The following AFF3 variants were observed in gnomAD, a reference collection of about 807,000 sequenced individuals.
AFF3 encodes AF4/FMR2 family member 3.
In AFF3, 32 loss-of-function variants were observed where a neutral mutation model predicts 129.7. That is an observed-to-expected ratio of 0.25 (90% CI 0.19 to 0.33). AFF3 has a LOEUF of 0.33. AFF3 is among the 10% of genes least tolerant of loss of function. The pLI is 1.00. For synonymous variants in AFF3, 644 were observed against 635.4 expected (o/e 1.01, Z -0.20); for missense variants, 1,373 against 1,592.0 (o/e 0.86, Z 2.34).
intron 8 of AFF3, among the ~76,000 whole-genome samples, chr2:99,761,619 A>C (rs1682603395): frequency 6.6e-6 from 1 of 152,232 alleles, no homozygotes; most frequent in Non-Finnish European, 1.5e-5. Context: ...TTTAGCCTCA[A>C]GTTAAATCTT....
chr2:100,116,055 T>C (rs2105542958), intron 2 of AFF3, among the ~76,000 whole-genome samples: 1 of 152,318 alleles, frequency 6.6e-6, no homozygotes, highest in East Asian at 1.9e-4. Context: ...AGTTACACCA[T>C]CCTGTTGAAC....
At chr2:99,682,034 G>A (rs1250047971) in intron 11 of AFF3, among the ~76,000 whole-genome samples, 2 of 151,672 alleles carry the variant, frequency 1.3e-5, no homozygotes, top group Non-Finnish European at 2.9e-5. Flanking sequence ...AGCCTCCTGA[G>A]TAGTTGGGAC....
In AFF3 at chr2:99,894,547, C is replaced by T. The variant is rs372372898; in HGVS notation, c.874-57023G>A. On this transcript the variant is annotated intron_variant, in intron 7 of 24. Transcript: ENST00000672756. The stretch of plus-strand genomic sequence containing the variant: ...GCAGTGGCGCGATCTCAGCTCACTG[C>T]AAGCTCTGCCTCCTGGGTTCACGCC... Among the ~76,000 whole-genome samples, 140 of 151,610 alleles carry T rather than the reference C, an allele frequency of 9.2e-4. 1 individual carries two copies. Among genetic ancestry groups the T allele is most frequent in the African/African-American group, 3.2e-3 (134 of 41,374 alleles).
chr2:99,625,726 C>T (rs1392941390), intron 13 of AFF3, among the ~76,000 whole-genome samples: 2 of 152,118 alleles, frequency 1.3e-5, no homozygotes, highest in African/African-American at 4.8e-5. Flanking sequence ...CAATGTAATA[C>T]AACAGTTGTA....
At chr2:99,686,957 C>A (rs908575645) in intron 11 of AFF3, among the ~76,000 whole-genome samples, 1 of 152,180 alleles carries the variant, frequency 6.6e-6, no homozygotes, top group African/African-American at 2.4e-5. Context: ...CATTGATTGC[C>A]TTTATGTGCC....
At position 99,686,310 on chromosome 2, in the gene AFF3, GC is replaced by G. The variant is rs1322744815; in HGVS notation, c.1092-13722del. Among the ~76,000 whole-genome samples, 3 of 152,268 alleles carry G rather than the reference GC, an allele frequency of 2.0e-5. No homozygotes were observed. The East Asian group carries it at 5.8e-4, about 29-fold the overall frequency. On this transcript the variant is annotated intron_variant, in intron 11 of 24. Coordinates refer to ENST00000672756, the MANE Select transcript of AFF3 (RefSeq NM_001386135.1). ...TGACAGAAAGTCAACTGATTTCAGA[GC>G]CAACACCAAATAACACTGTGAAGGA... is the stretch of plus-strand genomic sequence containing the variant.
intron 7 of AFF3, among the ~76,000 whole-genome samples, chr2:99,860,568 A>AAAAAAC (rs1690908633): frequency 6.6e-6 from 1 of 151,412 alleles, no homozygotes; most frequent in South Asian, 2.1e-4. Context: ...AACAAAAAAC[A>AAAAAAC]AACAAAAAAA....
intron 2 of AFF3, among the ~76,000 whole-genome samples, chr2:100,111,194 G>A (rs541658056): frequency 2.0e-5 from 3 of 152,206 alleles, no homozygotes; most frequent in Non-Finnish European, 2.9e-5. Context: ...CCACTCTAGC[G>A]GTGTTTTGAA....
At chr2:100,088,971 T>C (rs1390224481) in intron 4 of AFF3, among the ~76,000 whole-genome samples, 1 of 149,388 alleles carries the variant, frequency 6.7e-6, no homozygotes, top group Non-Finnish European at 1.5e-5. Context: ...TTAGGTAATA[T>C]AAACCAAACA....
chr2:100,018,438 A>C (rs1022478896), intron 4 of AFF3, among the ~76,000 whole-genome samples: 1 of 151,718 alleles, frequency 6.6e-6, no homozygotes, highest in Non-Finnish European at 1.5e-5. Flanking sequence ...GAGATGACAG[A>C]TAAATGACAG....
At chr2:99,707,585 A>G (rs1677521656) in intron 11 of AFF3, 1 of 985,266 alleles carries the variant, frequency 1.0e-6, no homozygotes. Flanking sequence ...CCCCCTTGCA[A>G]TTAATAAACA....
chr2:99,634,044 A>G (rs1007230583), intron 13 of AFF3, among the ~76,000 whole-genome samples: 1 of 150,312 alleles, frequency 6.7e-6, no homozygotes, highest in Non-Finnish European at 1.5e-5. Flanking sequence ...CCTCCCGAGT[A>G]GCTGGGATTA....
intron 7 of AFF3, among the ~76,000 whole-genome samples, chr2:99,909,959 C>T (rs1695001229): frequency 6.6e-6 from 1 of 152,074 alleles, no homozygotes; most frequent in African/African-American, 2.4e-5. Context: ...ACCCCAGTTC[C>T]TCACAATGTG....
Position 99,819,965 on chromosome 2 carries a change from T to C in AFF3, c.921+17512A>G, listed in dbSNP as rs1021089730. 3.3e-5 allele frequency among the ~76,000 whole-genome samples: 5 copies of C among 152,392 alleles called. No homozygotes were observed. The South Asian group carries it at 6.2e-4, about 19-fold the overall frequency. ...CTCCACCAGGAGGTGCCAGTCATCA[T>C]AGAGCTCCATGGAAGGCAGCACAGC... On this transcript the variant is annotated intron_variant, in intron 8 of 24. Coordinates refer to ENST00000672756, the MANE Select transcript of AFF3 (RefSeq NM_001386135.1).
intron 7 of AFF3, among the ~76,000 whole-genome samples, chr2:99,995,486 C>T (rs1680759432): frequency 1.3e-5 from 2 of 152,010 alleles, no homozygotes; most frequent in South Asian, 4.1e-4. Flanking sequence ...CATTCTCCTG[C>T]CTCAACTTCC....
In AFF3 at chr2:99,982,660, G is replaced by A. The variant is rs543618807; in HGVS notation, c.873+23972C>T. On this transcript the variant is annotated intron_variant, in intron 7 of 24. Coordinates refer to ENST00000672756, the MANE Select transcript of AFF3 (RefSeq NM_001386135.1). Reference sequence around the variant, plus strand: ...ACTGGAAACATTCCTTATGACTCTCGAGGTCTCAGTTTCCAACTCCCCTCA... The same window carrying A: ...ACTGGAAACATTCCTTATGACTCTCAAGGTCTCAGTTTCCAACTCCCCTCA... 9.1e-4 allele frequency among the ~76,000 whole-genome samples: 139 copies of A among 152,150 alleles called. 1 individual carries two copies. The highest frequency in any genetic ancestry group is 4.0e-3 in the South Asian group (19 of 4,810).
intron 12 of AFF3, among the ~76,000 whole-genome samples, chr2:99,656,031 G>A (rs59404019): frequency 0.053 from 8,047 of 152,272 alleles, 708 homozygotes; most frequent in African/African-American, 0.18. Context: ...CACTTGTTAA[G>A]TGGATTAAAC....
intron 8 of AFF3, among the ~76,000 whole-genome samples, chr2:99,755,331 C>T (rs985266831): frequency 6.6e-6 from 1 of 151,322 alleles, no homozygotes; most frequent in East Asian, 2.0e-4. Context: ...TGCAATGGCG[C>T]GATCTCAGCT....
At chr2:99,819,422 C>T (rs928129606) in intron 8 of AFF3, among the ~76,000 whole-genome samples, 5 of 152,164 alleles carry the variant, frequency 3.3e-5, no homozygotes, top group Admixed American at 6.5e-5. Flanking sequence ...AAGTAAAGCT[C>T]GTCGCTAATG....
Sources: gnomAD v4.1 joint callset for allele counts (sites outside exome capture counted in the v4.1 genomes callset) on GRCh38, gnomAD v4.1.1 for gene constraint, MANE v1.5 for transcripts, NCBI Gene and HGNC (gene_info 2026-07-23, HGNC 2026-07-21) for gene names.